EPHB2: variants seen among roughly 807,000 people sequenced by gnomAD.
The protein encoded by EPHB2 is EPH receptor B2.
In EPHB2, 18 loss-of-function variants were observed where a neutral mutation model predicts 96.4. That is an observed-to-expected ratio of 0.19 (90% CI 0.13 to 0.28). EPHB2 has a LOEUF of 0.28. Ranked by LOEUF, EPHB2 falls within the 10% of genes least tolerant of loss-of-function variation. The probability of loss-of-function intolerance (pLI) is 1.00; values close to 1 mark genes in which losing one functional copy is unlikely to be tolerated. For missense variants in EPHB2, 989 were observed against 1,355.4 expected (o/e 0.73, Z 4.25); for synonymous variants, 506 against 534.1 (o/e 0.95, Z 0.72).
intron 14 of EPHB2, 79 bp from the exon 15 acceptor site, chr1:22,912,365 C>A (rs889640552): frequency 6.3e-7 from 1 of 1,587,730 alleles, no homozygotes; most frequent in African/African-American, 1.3e-5. Context: ...TTCACGCATA[C>A]GCAGCCTACA....
intron 6 of EPHB2, among the ~76,000 whole-genome samples, chr1:22,888,358 G>T (rs1056612574): frequency 6.6e-6 from 1 of 152,186 alleles, no homozygotes; most frequent in Non-Finnish European, 1.5e-5. Context: ...TGGTTTTGAT[G>T]ATAACAGTGA....
At chr1:22,726,414 CTTTTTTTTTCT>C (rs1380746433) in intron 1 of EPHB2, among the ~76,000 whole-genome samples, 38 of 69,542 alleles carry the variant, frequency 5.5e-4, no homozygotes, top group East Asian at 2.1e-3. Context: ...GTTTCTTTTT[CTTTTTTTTTCT>C]TTTTTTTTTT....
At position 22,733,366 on chromosome 1, in the gene EPHB2, C is replaced by CA. The variant is rs1322401941; in HGVS notation, c.61+22324dup. On this transcript the variant is annotated intron_variant, in intron 1 of 15. Coordinates refer to ENST00000374630, the MANE Select transcript of EPHB2 (RefSeq NM_017449.5). This position sits in a 1 kb window ranked among gnomAD's most constrained non-coding sequence, Gnocchi z 4.6. Reference sequence around the variant, plus strand: ...GGCTGGCCCAGGCTGCCTTTCTAACCAGCCTCTTTATTTTCAGATGGGGAA... The same window carrying CA: ...GGCTGGCCCAGGCTGCCTTTCTAACCAAGCCTCTTTATTTTCAGATGGGGAA... Among the ~76,000 whole-genome samples the CA allele has an allele frequency of 6.6e-6, 1 of 152,148 alleles. No homozygotes were observed. Among genetic ancestry groups the CA allele is most frequent in the Admixed American group, 6.6e-5 (1 of 15,260 alleles).
intron 1 of EPHB2, among the ~76,000 whole-genome samples, chr1:22,730,988 T>C: frequency 6.6e-6 from 1 of 152,046 alleles, no homozygotes; most frequent in Non-Finnish European, 1.5e-5. Flanking sequence ...TGTCAGTAAG[T>C]GGCCCTGGTT....
At chr1:22,751,524 G>C (rs1474796665) in intron 1 of EPHB2, among the ~76,000 whole-genome samples, 1 of 152,236 alleles carries the variant, frequency 6.6e-6, no homozygotes, top group African/African-American at 2.4e-5. Flanking sequence ...CCTGAGTGGG[G>C]AGCTCTGTCC....
chr1:22,801,149 T>C (rs751516959), intron 3 of EPHB2, among the ~76,000 whole-genome samples: 5 of 152,220 alleles, frequency 3.3e-5, no homozygotes, highest in Non-Finnish European at 5.9e-5. Flanking sequence ...GGGTTCCTCC[T>C]CTGCCCGATA....
intron 1 of EPHB2, among the ~76,000 whole-genome samples, chr1:22,725,240 A>G (rs891110198): frequency 6.6e-6 from 1 of 152,064 alleles, no homozygotes; most frequent in African/African-American, 2.4e-5. Context: ...TAGATGGATA[A>G]GTGGCTGGAT....
chr1:22,781,376 G>A (rs768367601), intron 1 of EPHB2, 45 bp from the exon 2 acceptor site: 9 of 1,552,518 alleles, frequency 5.8e-6, no homozygotes, highest in Admixed American at 1.7e-5. Context: ...GATTGACAGC[G>A]CCTGGTAGGT....
Position 22,751,328 on chromosome 1 carries a change from A to C in EPHB2, c.62-30093A>C, listed in dbSNP as rs189772682. Among the ~76,000 whole-genome samples the C allele has an allele frequency of 5.0e-4, 76 of 152,308 alleles. 1 individual carries two copies. In the East Asian group the frequency reaches 6.2e-3, roughly 12 times the overall value. The stretch of plus-strand genomic sequence containing the variant: ...CAGGACTGATGGGGCGCCAGGTGGC[A>C]GGAGCACAGAGGTGTGCTCACCTGC... On this transcript the variant is annotated intron_variant, in intron 1 of 15. Coordinates refer to ENST00000374630, the MANE Select transcript of EPHB2 (RefSeq NM_017449.5).
Position 22,784,191 on chromosome 1 carries a change from C to T in EPHB2, c.127-201C>T, listed in dbSNP as rs1644574503. 6.6e-6 allele frequency among the ~76,000 whole-genome samples: 1 copy of T among 152,192 alleles called. No homozygotes were observed. The highest frequency in any genetic ancestry group is 1.5e-5 in the Non-Finnish European group (1 of 68,046). ...ACAGTAAGGGCAATGTCTCCCCTGTCAGCTAGCAGAATACCAAGAGCAGGA... is the reference window on the plus strand; with the variant it reads ...ACAGTAAGGGCAATGTCTCCCCTGTTAGCTAGCAGAATACCAAGAGCAGGA... On this transcript the variant is annotated intron_variant, in intron 2 of 15. Coordinates refer to ENST00000374630, the MANE Select transcript of EPHB2 (RefSeq NM_017449.5). The surrounding 1 kb of genome is among the most constrained non-coding windows in gnomAD (Gnocchi z 5.1).
intron 3 of EPHB2, among the ~76,000 whole-genome samples, chr1:22,857,072 C>CCAA (rs973692274): frequency 1.3e-5 from 2 of 152,194 alleles, no homozygotes; most frequent in Admixed American, 6.5e-5. Context: ...CCAAGGTTCA[C>CCAA]CAACCAGTGG....
intron 1 of EPHB2, among the ~76,000 whole-genome samples, chr1:22,761,080 T>C (rs35203503): frequency 0.49 from 73,826 of 151,862 alleles, 18,226 homozygotes; most frequent in African/African-American, 0.57. Context: ...CCTGGGAGGC[T>C]TGTGGAAAAT....
intron 5 of EPHB2, among the ~76,000 whole-genome samples, chr1:22,878,895 C>A (rs982025874): frequency 3.9e-5 from 6 of 152,242 alleles, no homozygotes; most frequent in African/African-American, 7.2e-5. Context: ...ATACTCCTCA[C>A]CCGTCCTTGC....
rs1382806468 is a variant in EPHB2 at position 22,837,572 on chromosome 1, T to A, written c.812-25465T>A. On this transcript the variant is annotated intron_variant, in intron 3 of 15. Transcript: ENST00000374630. ...CAGAGTTGCACATTGTTTAGTAGAT[T>A]AAACTAGGCGTGTATGAAGCAAGGA... 2.6e-5 allele frequency among the ~76,000 whole-genome samples: 4 copies of A among 152,174 alleles called. No individual in the cohort carries two copies. In the East Asian group the frequency reaches 5.8e-4, roughly 22 times the overall value.
chr1:22,851,398 A>G (rs191967166), intron 3 of EPHB2, among the ~76,000 whole-genome samples: 119 of 152,294 alleles, frequency 7.8e-4, no homozygotes, highest in African/African-American at 2.8e-3. Flanking sequence ...GGAAGGCTGA[A>G]TGCAGCTGGA....
chr1:22,857,960 C>T (rs751690215), intron 3 of EPHB2, among the ~76,000 whole-genome samples: 9 of 152,078 alleles, frequency 5.9e-5, no homozygotes, highest in Non-Finnish European at 1.3e-4. Flanking sequence ...GTTTACAAAC[C>T]GTTTTCTAAT....
At chr1:22,750,717 A>G (rs746727014) in intron 1 of EPHB2, among the ~76,000 whole-genome samples, 1 of 152,224 alleles carries the variant, frequency 6.6e-6, no homozygotes, top group Non-Finnish European at 1.5e-5. Context: ...TTTAGCTTAT[A>G]TATTTTTATT....
chr1:22,912,579 C>A lies in EPHB2; in HGVS notation c.2832C>A (p.Val944=). The A allele has an allele frequency of 1.9e-6, 3 of 1,613,964 alleles. No homozygotes were observed. Among genetic ancestry groups the A allele is most frequent in the Non-Finnish European group, 2.5e-6 (3 of 1,180,032 alleles). Residue 944 remains valine (V), a synonymous_variant, in exon 15 of 16, where the codon GTC becomes GTA. Transcript: ENST00000374630. ...ATGCCGGCTTCACCTCCTTTGACGTCGTGTCTCAGATGATGATGGAGTAAG... is the reference window on the plus strand; with the variant it reads ...ATGCCGGCTTCACCTCCTTTGACGTAGTGTCTCAGATGATGATGGAGTAAG... ...FANAGFTSFD[V]VSQMMMEDIL... is the part of the protein sequence containing the mutation.
rs150415344 is a variant in EPHB2, at chr1:22,863,174, C to G, written c.949C>G (p.Leu317Val). 31 of 1,614,184 alleles carry G rather than the reference C, an allele frequency of 1.9e-5. No homozygotes were observed. The African/African-American group carries it at 3.7e-4, about 19-fold the overall frequency. Residue 317 changes from leucine to valine, a missense_variant, in exon 4 of 16, where the codon CTG (leucine) becomes GTG (valine). Transcript: ENST00000374630. ...CTACTACAGAGCAGACCTGGACCCC[C>G]TGGACATGCCCTGCACAAGTAAGTC... ...NGYYRADLDP[L>V]DMPCTTIPSA... is the part of the protein sequence containing the mutation.
Sources: allele counts gnomAD v4.1 joint callset (sites outside exome capture counted in the v4.1 genomes callset), GRCh38; gene constraint gnomAD v4.1.1; non-coding constraint Gnocchi (gnomAD v3.1); transcripts MANE v1.5; gene names NCBI Gene and HGNC (gene_info 2026-07-23, HGNC 2026-07-21).